ASCL5: variants seen among roughly 807,000 people sequenced by gnomAD.
The protein encoded by ASCL5 is achaete-scute family bHLH transcription factor 5, also known as achaete-scute homolog 5.
For synonymous variants in ASCL5, 124 were observed against 131.5 expected (o/e 0.94, Z 0.39); for missense variants, 262 against 268.9 (o/e 0.97, Z 0.18).
chr1:201,124,192 C>T (rs146014927), intron 1 of ASCL5, among the ~76,000 whole-genome samples: 353 of 152,342 alleles, frequency 2.3e-3, no homozygotes, highest in Non-Finnish European at 3.6e-3. Context: ...GGCGGTTCTG[C>T]AGATGAAATC....
intron 1 of ASCL5, among the ~76,000 whole-genome samples, chr1:201,126,266 T>C (rs558920089): frequency 6.6e-6 from 1 of 152,178 alleles, no homozygotes; most frequent in South Asian, 2.1e-4. Context: ...CTCCTGATTA[T>C]AGCTACACAC....
chr1:201,116,835 C>T (rs1663358830), intron 1 of ASCL5, among the ~76,000 whole-genome samples: 1 of 152,148 alleles, frequency 6.6e-6, no homozygotes, highest in African/African-American at 2.4e-5. Context: ...TCACACTACT[C>T]TATTATTTTT....
At position 201,115,257 on chromosome 1, in the gene ASCL5, G is replaced by C. The variant is rs1315924399; in HGVS notation, c.116C>G (p.Pro39Arg). 8.1e-7 allele frequency: 1 copy of C among 1,231,336 alleles called. No homozygotes were observed. Among genetic ancestry groups the C allele is most frequent in the African/African-American group, 1.6e-5 (1 of 64,380 alleles). 76.3% of individuals were successfully genotyped at this position (1,231,336 alleles called of 1,614,324 possible). The change falls in exon 2 of 2, where the codon CCC becomes CGC. Residue 39 changes from proline to arginine, a missense_variant. Transcript: ENST00000449188. ...CAGCAGGAAGGGCACGTTGCCCAGG[G>C]GCTCGGCGGGGGGCAGGGGCGCCTG... is the stretch of plus-strand genomic sequence containing the variant. ...PRQAPLPPAE[P>R]LGNVPFLLYP...
At chr1:201,117,563 A>C (rs563533304) in intron 1 of ASCL5, among the ~76,000 whole-genome samples, 1 of 152,250 alleles carries the variant, frequency 6.6e-6, no homozygotes, top group South Asian at 2.1e-4. Context: ...TCCCAAACAG[A>C]CCTTCAGATC....
At chr1:201,123,951 C>A (rs1452911035) in intron 1 of ASCL5, among the ~76,000 whole-genome samples, 1 of 152,186 alleles carries the variant, frequency 6.6e-6, no homozygotes, top group Non-Finnish European at 1.5e-5. Flanking sequence ...GAGACCCTGG[C>A]CAAAATTGTG....
chr1:201,118,821 C>T (rs772443665), intron 1 of ASCL5, among the ~76,000 whole-genome samples: 5 of 152,176 alleles, frequency 3.3e-5, no homozygotes, highest in Admixed American at 2.0e-4. Flanking sequence ...TTAATTTTCA[C>T]GCCATCCTTG....
chr1:201,114,454 TG>T lies in ASCL5; in HGVS notation c.*297del. 3.7e-6 allele frequency: 1 copy of T among 267,220 alleles called. No individual in the cohort carries two copies. The highest frequency in any genetic ancestry group is 7.0e-6 in the Non-Finnish European group (1 of 142,596). The allele number at this position is 267,220 out of a possible 1,614,324, so 16.6% of individuals were successfully genotyped here. ...GAGCCAGACCCAGGGATGACCGTCC[TG>T]GGGAGCCCCTCTGCACCCCGGAGGG... On this transcript the variant is annotated 3_prime_UTR_variant, in exon 2 of 2. Coordinates refer to ENST00000449188, the MANE Select transcript of ASCL5 (RefSeq NM_001270601.2).
In ASCL5 at chr1:201,118,758, T is replaced by C. The variant is rs531042750; in HGVS notation, c.-505-2881A>G. Among the ~76,000 whole-genome samples, 8 of 152,338 alleles carry C rather than the reference T, an allele frequency of 5.3e-5. No homozygotes were observed. The East Asian group carries it at 1.3e-3, about 26-fold the overall frequency. On this transcript the variant is annotated intron_variant, in intron 1 of 1. Coordinates refer to ENST00000449188, the MANE Select transcript of ASCL5 (RefSeq NM_001270601.2). ...ATAATGATAATCATAGCTACACTTA[T>C]TATTCATGATGTGCAAGACCTCATG...
intron 1 of ASCL5, among the ~76,000 whole-genome samples, chr1:201,117,199 G>A (rs1663367213): frequency 6.6e-6 from 1 of 152,200 alleles, no homozygotes; most frequent in South Asian, 2.1e-4. Flanking sequence ...ACTTTGGGAG[G>A]CTGAGGTGGG....
At chr1:201,116,202 T>C (rs1291306629) in intron 1 of ASCL5, among the ~76,000 whole-genome samples, 1 of 152,244 alleles carries the variant, frequency 6.6e-6, no homozygotes, top group Non-Finnish European at 1.5e-5. Flanking sequence ...AGTTTTGTCA[T>C]GTCCCTTGAG....
chr1:201,117,631 C>T (rs552428892), intron 1 of ASCL5, among the ~76,000 whole-genome samples: 11 of 152,314 alleles, frequency 7.2e-5, no homozygotes, highest in African/African-American at 2.6e-4. Context: ...TTGGCTTGTG[C>T]TGGCTCCGGT....
At chr1:201,122,610 T>C (rs1663505376) in intron 1 of ASCL5, among the ~76,000 whole-genome samples, 1 of 152,166 alleles carries the variant, frequency 6.6e-6, no homozygotes, top group Non-Finnish European at 1.5e-5. Flanking sequence ...ATGAGGACTT[T>C]CTTGGCCGGG....
chr1:201,115,831 C>T lies in ASCL5; in HGVS notation c.-459G>A, dbSNP rs1250581258. On this transcript the variant is annotated 5_prime_UTR_variant, in exon 2 of 2. Coordinates refer to ENST00000449188, the MANE Select transcript of ASCL5 (RefSeq NM_001270601.2). ...TCCGGGGTCCCCAAACTGATGGCTG[C>T]TGTTAGGAGTGCGCCAGCTCAGTGG... 1 of 152,978 alleles carries T rather than the reference C, an allele frequency of 6.5e-6. No homozygotes were observed. The highest frequency in any genetic ancestry group is 2.4e-5 in the African/African-American group (1 of 41,506). 9.5% of individuals were successfully genotyped at this position (152,978 alleles called of 1,614,324 possible). A position where few individuals can be genotyped will look rare whatever the true frequency, so the allele number is the denominator to read the frequency against.
In ASCL5 at chr1:201,115,595, G is replaced by A; in HGVS notation, c.-223C>T. ...GGCCCCTCTCAGGAGGTCGGTGCAC[G>A]CCTTCTCAGAGCCAGCCCATGGCGC... On this transcript the variant is annotated 5_prime_UTR_variant, in exon 2 of 2. Transcript: ENST00000449188. The A allele has an allele frequency of 2.7e-6, 1 of 369,116 alleles. No homozygotes were observed. Among genetic ancestry groups the A allele is most frequent in the Non-Finnish European group, 4.8e-6 (1 of 208,782 alleles). The allele number at this position is 369,116 out of a possible 1,614,324, so 22.9% of individuals were successfully genotyped here.
Position 201,114,923 on chromosome 1 carries a change from A to G in ASCL5, c.450T>C (p.Ala150=). The G allele has an allele frequency of 8.1e-7, 1 of 1,230,498 alleles. No individual in the cohort carries two copies. The highest frequency in any genetic ancestry group is 1.0e-6 in the Non-Finnish European group (1 of 987,196). The allele number at this position is 1,230,498 out of a possible 1,614,324, so 76.2% of individuals were successfully genotyped here. A position where few individuals can be genotyped will look rare whatever the true frequency, so the allele number is the denominator to read the frequency against. ...GCCCGGTGCCCGGGAGGCCGCGGGA[A>G]GCGGGGGGCGTCGAGCCGTCGGGGG... The part of the protein sequence containing the change: ...SSAPDGSTPP[A]SRGLPGTGPC... The change falls in exon 2 of 2, where the codon GCT becomes GCC. Residue 150 remains alanine (A), a synonymous_variant. Transcript: ENST00000449188.
At chr1:201,126,834 G>A (rs1217516036) in intron 1 of ASCL5, among the ~76,000 whole-genome samples, 1 of 152,246 alleles carries the variant, frequency 6.6e-6, no homozygotes, top group Non-Finnish European at 1.5e-5. Context: ...ATGGGAAAAT[G>A]CCCGCTCAGT....
chr1:201,115,339 G>A lies in ASCL5; in HGVS notation c.34C>T (p.Arg12Trp). 1 of 1,231,394 alleles carries A rather than the reference G, an allele frequency of 8.1e-7. No homozygotes were observed. The highest frequency in any genetic ancestry group is 1.0e-6 in the Non-Finnish European group (1 of 987,732). 76.3% of individuals were successfully genotyped at this position (1,231,394 alleles called of 1,614,324 possible). ...NNNFCRALVD[R>W]RPLGPPSCMQ... ...CAGCTGGGGGGCCCCAGAGGCCTCC[G>A]GTCCACCAGAGCCCGGCAGAAGTTA... The change falls in exon 2 of 2, where the codon CGG becomes TGG. Residue 12 changes from arginine (R) to tryptophan (W), a missense_variant. Transcript: ENST00000449188.
At chr1:201,116,877 C>CGAGT (rs1415862561) in intron 1 of ASCL5, among the ~76,000 whole-genome samples, 1 of 152,104 alleles carries the variant, frequency 6.6e-6, no homozygotes, top group Non-Finnish European at 1.5e-5. Flanking sequence ...CAGGACTTAG[C>CGAGT]GAGTGAGTGA....
Position 201,113,966 on chromosome 1 carries a change from C to G in ASCL5, c.*786G>C, listed in dbSNP as rs1044816058. 8 of 152,078 alleles carry G rather than the reference C, an allele frequency of 5.3e-5. No homozygotes were observed. The highest frequency in any genetic ancestry group is 1.7e-4 in the African/African-American group (7 of 41,386). 9.4% of individuals were successfully genotyped at this position (152,078 alleles called of 1,614,324 possible). A position where few individuals can be genotyped will look rare whatever the true frequency, so the allele number is the denominator to read the frequency against. ...TCTAGGAATGAGAAAATTCAACAAT[C>G]CTTTTATTTAGCTCTTTGGTGCCGA... On this transcript the variant is annotated 3_prime_UTR_variant, in exon 2 of 2. Transcript: ENST00000449188.
Sources: gnomAD v4.1 joint callset for allele counts (sites outside exome capture counted in the v4.1 genomes callset) on GRCh38, gnomAD v4.1.1 for gene constraint, MANE v1.5 for transcripts, NCBI Gene and HGNC (gene_info 2026-07-23, HGNC 2026-07-21) for gene names.